PFKL: variants seen among roughly 807,000 people sequenced by gnomAD.
PFKL encodes the protein ATP-dependent 6-phosphofructokinase, liver type.
In PFKL, 74 loss-of-function variants were observed where a neutral mutation model predicts 92.1. The observed-to-expected ratio is 0.80, with a 90% CI of 0.67 to 0.97. PFKL has a LOEUF of 0.97. Ranked by LOEUF, PFKL falls within the 50% of genes least tolerant of loss-of-function variation. PFKL has a pLI of 0.00. For missense variants in PFKL, 1,028 were observed against 1,116.6 expected, an observed-to-expected ratio of 0.92 and a Z score of 1.13; for synonymous variants, 494 against 456.4, an observed-to-expected ratio of 1.08 and a Z score of -1.05.
chr21:44,305,514 G>A, intron 1 of PFKL: 1 of 1,103,210 alleles, frequency 9.1e-7, no homozygotes, highest in Non-Finnish European at 1.2e-6. Flanking sequence ...ATGGCTTAGG[G>A]ATGGATGGCA....
intron 14 of PFKL, 138 bp downstream of exon 14, chr21:44,322,341 C>T: frequency 2.6e-6 from 2 of 774,534 alleles, no homozygotes; most frequent in Non-Finnish European, 4.0e-6. Context: ...CTGCCCAGAG[C>T]AGGCTTCACG....
Position 44,313,674 on chromosome 21 carries a change from G to A in PFKL, c.630G>A (p.Arg210=). ...QRTFVLEVMG[R]HCGYLALVSA... The stretch of plus-strand genomic sequence containing the variant: ...CCTTCGTGCTGGAAGTGATGGGCCG[G>A]CACTGCGGGTGAGGAGGGGCTTCCT... Residue 210 remains arginine (R), a synonymous_variant, in exon 6 of 22, where the codon CGG becomes CGA. Transcript: ENST00000349048. 1 of 1,611,774 alleles carries A rather than the reference G, an allele frequency of 6.2e-7. No individual in the cohort carries two copies. Among genetic ancestry groups the A allele is most frequent in the Non-Finnish European group, 8.5e-7 (1 of 1,179,396 alleles).
At chr21:44,305,349 C>T (rs1276066310) in intron 1 of PFKL, 7 of 1,365,820 alleles carry the variant, frequency 5.1e-6, no homozygotes, top group Non-Finnish European at 6.9e-6. Context: ...GGGTAGAGGT[C>T]GAGAGTCCTC....
chr21:44,318,817 G>A (rs1260264515), intron 10 of PFKL, among the ~76,000 whole-genome samples: 1 of 152,234 alleles, frequency 6.6e-6, no homozygotes, highest in Non-Finnish European at 1.5e-5. Flanking sequence ...TGTCGGAGCT[G>A]CAGGGAGCCT....
Position 44,326,803 on chromosome 21 carries a change from G to A in PFKL, c.2284G>A (p.Val762Met), listed in dbSNP as rs766957279. 1.4e-5 allele frequency: 22 copies of A among 1,608,068 alleles called. No individual in the cohort carries two copies. The highest frequency in any genetic ancestry group is 4.5e-5 in the East Asian group (2 of 44,670). Residue 762 changes from valine (V) to methionine (M), a missense_variant, in exon 22 of 22, where the codon GTG becomes ATG. Val to Met is a conservative substitution (Grantham distance 21, BLOSUM62 1). Coordinates refer to ENST00000349048, the MANE Select transcript of PFKL (RefSeq NM_002626.6). The stretch of plus-strand genomic sequence containing the variant: ...ATACCGCATCAGTATGGCCGCCTAC[G>A]TGTCAGGGGAGCTGGAGCACGTGAC... ...AQYRISMAAY[V>M]SGELEHVTRR...
chr21:44,312,697 G>A (rs376591037), intron 4 of PFKL, among the ~76,000 whole-genome samples: 12 of 152,216 alleles, frequency 7.9e-5, no homozygotes, highest in South Asian at 2.1e-4. Flanking sequence ...GTGGCCTCTC[G>A]GAGCCATGTC....
intron 4 of PFKL, among the ~76,000 whole-genome samples, chr21:44,312,552 C>A (rs2047078799): frequency 6.6e-6 from 1 of 152,204 alleles, no homozygotes; most frequent in Non-Finnish European, 1.5e-5. Context: ...GTGTTGCTCA[C>A]CCTACGCTGC....
intron 2 of PFKL, among the ~76,000 whole-genome samples, chr21:44,309,550 G>T (rs143242463): frequency 6.6e-6 from 1 of 152,334 alleles, no homozygotes; most frequent in Non-Finnish European, 1.5e-5. Context: ...CACTGGCCTT[G>T]TGGGGTCTCT....
In PFKL at chr21:44,316,321, G is replaced by A. The variant is rs139444808; in HGVS notation, c.825G>A (p.Ser275=). 130 of 1,613,158 alleles carry A rather than the reference G, an allele frequency of 8.1e-5. No individual in the cohort carries two copies. The highest frequency in any genetic ancestry group is 1.0e-4 in the Non-Finnish European group (119 of 1,179,972). ...TTGACCGCAACGGGAAGCCCATCTC[G>A]TCCAGCTACGTGAAGGACGTGCGTG... ...GAIDRNGKPI[S]SSYVKDLVVQ... The change falls in exon 8 of 22, where the codon TCG becomes TCA. Residue 275 remains serine, a synonymous_variant. Coordinates refer to ENST00000349048, the MANE Select transcript of PFKL (RefSeq NM_002626.6).
intron 1 of PFKL, among the ~76,000 whole-genome samples, chr21:44,302,643 C>G (rs1252220189): frequency 6.6e-6 from 1 of 152,186 alleles, no homozygotes; most frequent in Admixed American, 6.5e-5. Context: ...CTGGGAGGCA[C>G]TTTCTGCCCC....
At position 44,325,946 on chromosome 21, in the gene PFKL, C is replaced by T; in HGVS notation, c.1990-15C>T. The T allele has an allele frequency of 6.2e-7, 1 of 1,606,206 alleles. No individual in the cohort carries two copies. Among genetic ancestry groups the T allele is most frequent in the Non-Finnish European group, 8.5e-7 (1 of 1,174,618 alleles). ...CCCAGGGGAGTCCAGGGAACCGGGC[C>T]TCACCTGTTTCCAGGGTGGCGCTCC... On this transcript the variant is annotated splice_polypyrimidine_tract_variant and intron_variant, in intron 19 of 21. Coordinates refer to ENST00000349048, the MANE Select transcript of PFKL (RefSeq NM_002626.6).
In PFKL at chr21:44,324,606, C is replaced by A; in HGVS notation, c.1766C>A (p.Ala589Asp). Residue 589 changes from alanine (A) to aspartate (D), a missense_variant, in exon 17 of 22, where the codon GCC becomes GAC. By Grantham distance (126) the Ala-to-Asp change is moderately radical. Transcript: ENST00000349048. ...ACCGTGACTGGCATTGCTGTGGGGG[C>A]CGACGCCGCCTACGTCTTCGAGGAC... ...LATVTGIAVG[A>D]DAAYVFEDPF... is the part of the protein sequence containing the mutation. The A allele has an allele frequency of 6.2e-7, 1 of 1,611,512 alleles. No individual in the cohort carries two copies.
chr21:44,316,542 T>C lies in PFKL; in HGVS notation c.936+18T>C. On this transcript the variant is annotated intron_variant, in intron 9 of 21. Coordinates refer to ENST00000349048, the MANE Select transcript of PFKL (RefSeq NM_002626.6). ...GGATCCTGGTAAGTGGCCATCACCCTGCCCTGCGTACGTGCGTGGGTAAGC... is the reference window on the plus strand; with the variant it reads ...GGATCCTGGTAAGTGGCCATCACCCCGCCCTGCGTACGTGCGTGGGTAAGC... The C allele has an allele frequency of 1.3e-6, 2 of 1,569,028 alleles. No individual in the cohort carries two copies. The highest frequency in any genetic ancestry group is 1.7e-6 in the Non-Finnish European group (2 of 1,151,408).
chr21:44,303,442 A>AAAAAAAAGACTTGATCG (rs2040835216), intron 1 of PFKL, among the ~76,000 whole-genome samples: 5 of 144,572 alleles, frequency 3.5e-5, no homozygotes, highest in African/African-American at 1.1e-4. Context: ...CCAAAAAAAA[A>AAAAAAAAGACTTGATCG]AAAAAAAAAA....
In PFKL at chr21:44,320,135, C is replaced by A. The variant is rs1431391788; in HGVS notation, c.1179C>A (p.Pro393=). 2 of 1,613,418 alleles carry A rather than the reference C, an allele frequency of 1.2e-6. No individual in the cohort carries two copies. Among genetic ancestry groups the A allele is most frequent in the South Asian group, 2.2e-5 (2 of 91,070 alleles). The change falls in exon 12 of 22, where the codon CCC becomes CCA. Residue 393 remains proline, a synonymous_variant. Coordinates refer to ENST00000349048, the MANE Select transcript of PFKL (RefSeq NM_002626.6). The part of the protein sequence containing the change: ...NIYKLLAHQK[P]PKEKSNFSLA... ...ACAAGCTCCTCGCCCACCAGAAGCC[C>A]CCCAAGGAGAAGGTGAGGCAGGGAG...
intron 19 of PFKL, chr21:44,325,605 G>A (rs1002977987): frequency 2.2e-4 from 106 of 487,346 alleles, no homozygotes; most frequent in Non-Finnish European, 3.1e-4. Flanking sequence ...CAGGAAGCCC[G>A]CGTCCTGGGG....
chr21:44,301,699 G>A (rs2040778480), intron 1 of PFKL, among the ~76,000 whole-genome samples: 1 of 152,146 alleles, frequency 6.6e-6, no homozygotes, highest in South Asian at 2.1e-4. Context: ...TGTGGGGCCA[G>A]CCCGCCTGCC....
rs567444798 is a variant in PFKL at position 44,323,112 on chromosome 21, G to A, written c.1497+63G>A. ...AGGAGACCCAAGGTGTCCTCCCGCC[G>A]AGGGGGCCCATCCTGAAAACCCGTG... On this transcript the variant is annotated intron_variant, in intron 15 of 21. Transcript: ENST00000349048. The A allele has an allele frequency of 2.1e-4, 277 of 1,347,582 alleles. 4 individuals are homozygous for A. In the South Asian group the frequency reaches 2.7e-3, roughly 13 times the overall value. The allele number at this position is 1,347,582 out of a possible 1,614,324, so 83.5% of individuals were successfully genotyped here.
At chr21:44,324,793 C>A in intron 17 of PFKL, 63 bp from the exon 18 acceptor site, 1 of 1,586,502 alleles carries the variant, frequency 6.3e-7, no homozygotes, top group Non-Finnish European at 8.6e-7. Flanking sequence ...CCCCGGATCG[C>A]CGGTCAGCCT....
Sources: gnomAD v4.1 joint callset for allele counts (sites outside exome capture counted in the v4.1 genomes callset) on GRCh38, gnomAD v4.1.1 for gene constraint, MANE v1.5 for transcripts, NCBI Gene and HGNC (gene_info 2026-07-23, HGNC 2026-07-21) for gene names.